SMCO2: variants seen among roughly 807,000 people sequenced by gnomAD.
The protein encoded by SMCO2 is single-pass membrane protein with coiled-coil domains 2.
Under a neutral mutation model 29.5 loss-of-function variants are expected in SMCO2, and 25 were observed. The observed-to-expected ratio is 0.85, with a 90% CI of 0.62 to 1.18. The LOEUF (loss-of-function observed/expected upper bound fraction) is 1.18. Among genes scored for constraint, SMCO2 ranks in the 50% most tolerant of loss-of-function variants. The probability of loss-of-function intolerance (pLI) is 0.00; values close to 1 mark genes in which losing one functional copy is unlikely to be tolerated. For synonymous variants in SMCO2, 117 were observed against 123.3 expected (o/e 0.95, Z 0.34); for missense variants, 348 against 344.5 (o/e 1.01, Z -0.08).
upstream of SMCO2, among the ~76,000 whole-genome samples, chr12:27,464,123 G>A (rs1291829191): frequency 5.3e-5 from 8 of 152,224 alleles, no homozygotes; most frequent in Non-Finnish European, 1.2e-4. Context: ...GGGTCTGAAC[G>A]AAGGGAGCCT....
chr12:27,448,794 G>A, the SMCO2 span, among the ~76,000 whole-genome samples: 1 of 152,242 alleles, frequency 6.6e-6, no homozygotes, highest in Admixed American at 6.5e-5. Flanking sequence ...AATTCACTCG[G>A]AGGTCACTCT....
At chr12:27,496,055 G>GAT (rs1414910691) in intron 7 of SMCO2, among the ~76,000 whole-genome samples, 200 bp downstream of exon 8, 2 of 149,946 alleles carry the variant, frequency 1.3e-5, no homozygotes, top group African/African-American at 2.5e-5. Flanking sequence ...TATTGCATTC[G>GAT]ATATATATAG....
In SMCO2 at chr12:27,498,514, G is replaced by A. The variant is rs142493769; in HGVS notation, c.683+2659G>A. The stretch of plus-strand genomic sequence containing the variant: ...TATTGAAGGTGAACATGTGGTGTAC[G>A]CTGCTGCGTGAAGCAGTAGATGCTG... On this transcript the variant is annotated intron_variant, in intron 7 of 7. Coordinates refer to ENST00000298876, the Ensembl canonical transcript of SMCO2. The A allele has an allele frequency of 3.7e-3, 841 of 228,118 alleles. 79 individuals are homozygous for A. The highest frequency in any genetic ancestry group is 0.018 in the African/African-American group (753 of 41,838). The allele number at this position is 228,118 out of a possible 1,614,324, so 14.1% of individuals were successfully genotyped here. A position where few individuals can be genotyped will look rare whatever the true frequency, so the allele number is the denominator to read the frequency against.
the SMCO2 span, among the ~76,000 whole-genome samples, chr12:27,457,636 C>T: frequency 3.3e-5 from 5 of 152,170 alleles, no homozygotes; most frequent in African/African-American, 1.2e-4. Context: ...AGGTTTCAGG[C>T]AACGTGTGGG....
chr12:27,456,121 A>G, the SMCO2 span, among the ~76,000 whole-genome samples: 1 of 152,244 alleles, frequency 6.6e-6, no homozygotes, highest in Non-Finnish European at 1.5e-5. Flanking sequence ...AGGCTGAGGC[A>G]GGAGAATCAC....
chr12:27,442,694 C>A, the SMCO2 span, among the ~76,000 whole-genome samples: 1 of 152,202 alleles, frequency 6.6e-6, no homozygotes, highest in Non-Finnish European at 1.5e-5. Flanking sequence ...GTGGATGGTT[C>A]ACTGCAGCCT....
At chr12:27,486,552 T>C (rs970286127) in intron 4 of SMCO2, among the ~76,000 whole-genome samples, 4 of 152,232 alleles carry the variant, frequency 2.6e-5, no homozygotes, top group African/African-American at 9.6e-5. Flanking sequence ...TTCCTGTTAC[T>C]CCATGTTGAT....
At chr12:27,437,943 A>G in the SMCO2 span, among the ~76,000 whole-genome samples, 1 of 152,112 alleles carries the variant, frequency 6.6e-6, no homozygotes, top group South Asian at 2.1e-4. Flanking sequence ...CACAAACACA[A>G]TCATCCTTAG....
rs150818503 is a variant in SMCO2, at chr12:27,487,289, T to C, written c.363-1171T>C. On this transcript the variant is annotated intron_variant, in intron 4 of 7. Coordinates refer to ENST00000298876, the Ensembl canonical transcript of SMCO2. ...CTGTTCCACATGTCTATAATTATGCTATTTCATGAATGCTACATAAGTGAA... is the reference window on the plus strand; with the variant it reads ...CTGTTCCACATGTCTATAATTATGCCATTTCATGAATGCTACATAAGTGAA... Among the ~76,000 whole-genome samples, 392 of 152,328 alleles carry C rather than the reference T, an allele frequency of 2.6e-3. 3 individuals carry two copies. The highest frequency in any genetic ancestry group is 9.0e-3 in the African/African-American group (373 of 41,564).
chr12:27,450,116 G>A, the SMCO2 span, among the ~76,000 whole-genome samples: 1 of 152,234 alleles, frequency 6.6e-6, no homozygotes, highest in Non-Finnish European at 1.5e-5. Flanking sequence ...TCCCAGCTCA[G>A]CTCTGCTCCT....
At chr12:27,446,029 A>G in the SMCO2 span, among the ~76,000 whole-genome samples, 6 of 151,798 alleles carry the variant, frequency 4.0e-5, no homozygotes, top group African/African-American at 1.5e-4. Context: ...TCAGCCTCCC[A>G]AGTAGCTGGG....
chr12:27,458,984 G>A, the SMCO2 span, among the ~76,000 whole-genome samples: 1 of 151,084 alleles, frequency 6.6e-6, no homozygotes, highest in Non-Finnish European at 1.5e-5. Context: ...TCAGAAGATC[G>A]AGACCATCCT....
the SMCO2 span, among the ~76,000 whole-genome samples, chr12:27,460,652 G>T: frequency 1.3e-5 from 2 of 152,034 alleles, no homozygotes; most frequent in Non-Finnish European, 1.5e-5. Flanking sequence ...GACGTGGAAG[G>T]GAAGGCAGGA....
At chr12:27,443,267 A>G in the SMCO2 span, among the ~76,000 whole-genome samples, 1 of 152,252 alleles carries the variant, frequency 6.6e-6, no homozygotes, top group Admixed American at 6.5e-5. Context: ...TAAAAACCAT[A>G]TGATTATTTC....
the SMCO2 span, among the ~76,000 whole-genome samples, chr12:27,452,099 T>C: frequency 6.6e-6 from 1 of 152,198 alleles, no homozygotes; most frequent in East Asian, 1.9e-4. Context: ...TTAATCATAC[T>C]GAGGAATGAA....
At chr12:27,477,617 CTTCATTCTTT>C (rs1949599922) in intron 4 of SMCO2, among the ~76,000 whole-genome samples, 2 of 114,794 alleles carry the variant, frequency 1.7e-5, no homozygotes, top group East Asian at 5.4e-4. Flanking sequence ...GTAGGGCTTT[CTTCATTCTTT>C]TTCATTCTTT....
chr12:27,460,444 T>C, the SMCO2 span, among the ~76,000 whole-genome samples: 2 of 152,238 alleles, frequency 1.3e-5, no homozygotes, highest in East Asian at 3.9e-4. Flanking sequence ...ATTTTTACAG[T>C]AAAGTAAGCT....
At chr12:27,482,992 G>A (rs55683164) in intron 4 of SMCO2, among the ~76,000 whole-genome samples, 14 of 152,300 alleles carry the variant, frequency 9.2e-5, no homozygotes, top group Admixed American at 2.0e-4. Flanking sequence ...CTCCCAAAGC[G>A]CTGGGATTAC....
At chr12:27,482,857 G>T (rs554484884) in intron 4 of SMCO2, among the ~76,000 whole-genome samples, 2 of 152,310 alleles carry the variant, frequency 1.3e-5, no homozygotes, top group South Asian at 4.1e-4. Context: ...TTCCCTAGTA[G>T]TTGGGACTGC....
Sources: allele counts gnomAD v4.1 joint callset (sites outside exome capture counted in the v4.1 genomes callset), GRCh38; gene constraint gnomAD v4.1.1; transcripts MANE v1.5; gene names NCBI Gene and HGNC (gene_info 2026-07-23, HGNC 2026-07-21).